Variants in C4orf50 observed in about 807,000 individuals in gnomAD.
C4orf50 encodes the protein chromosome 4 open reading frame 50.
A neutral mutation model predicts 77.2 loss-of-function variants in C4orf50; 80 were observed. The observed-to-expected ratio is 1.04, with a 90% CI of 0.87 to 1.25. C4orf50 has a LOEUF of 1.25. C4orf50 is among the 50% of genes most tolerant of loss of function. The pLI is 0.00. For synonymous variants in C4orf50, 532 were observed against 465.3 expected, an observed-to-expected ratio of 1.14 and a Z score of -1.84; for missense variants, 1,257 against 1,152.9, an observed-to-expected ratio of 1.09 and a Z score of -1.31.
chr4:5,920,035 A>G (rs893290064), intron 7 of C4orf50, among the ~76,000 whole-genome samples: 5 of 152,358 alleles, frequency 3.3e-5, no homozygotes, highest in Middle Eastern at 3.4e-3. Flanking sequence ...TATAGTAATT[A>G]TAAGTATTTT....
rs1356977379 is a variant in C4orf50, at chr4:5,989,451, A to G, written c.2595T>C (p.Ser865=). The change falls in exon 28 of 34, where the codon TCT becomes TCC. Residue 865 remains serine (S), a synonymous_variant. Coordinates refer to ENST00000531445, the Ensembl canonical transcript of C4orf50. Reference sequence around the variant, plus strand: ...TCTCTTTAGACTTCGCTTCTTCATTAGAACAAATACCCCAATTTCCCCAAA... The same window carrying G: ...TCTCTTTAGACTTCGCTTCTTCATTGGAACAAATACCCCAATTTCCCCAAA... The G allele has an allele frequency of 3.3e-6, 5 of 1,535,956 alleles. No individual in the cohort carries two copies. The African/African-American group carries it at 6.8e-5, about 21-fold the overall frequency.
At chr4:5,913,716 G>A (rs372091840) in intron 7 of C4orf50, among the ~76,000 whole-genome samples, 12 of 152,240 alleles carry the variant, frequency 7.9e-5, no homozygotes, top group African/African-American at 1.9e-4. Context: ...GCAGTAAATC[G>A]TCCACAGACG....
At chr4:6,013,714 G>C (rs1379017575) in intron 23 of C4orf50, among the ~76,000 whole-genome samples, 1 of 152,164 alleles carries the variant, frequency 6.6e-6, no homozygotes, top group Non-Finnish European at 1.5e-5. Context: ...ATGCAGCTGG[G>C]TCCAAAGATG....
intron 30 of C4orf50, among the ~76,000 whole-genome samples, chr4:5,975,172 A>ACC (rs1560575633): frequency 7.6e-6 from 1 of 132,106 alleles, no homozygotes; most frequent in Non-Finnish European, 1.6e-5. Flanking sequence ...AAAAAAAAAA[A>ACC]AAAAAACTAC....
intron 7 of C4orf50, among the ~76,000 whole-genome samples, chr4:5,927,791 AG>A (rs980752122): frequency 6.6e-5 from 10 of 152,176 alleles, no homozygotes; most frequent in African/African-American, 2.4e-4. Flanking sequence ...AGTCTCAGGT[AG>A]TACCTTTAAC....
chr4:5,912,130 T>A (rs954021097), intron 7 of C4orf50, among the ~76,000 whole-genome samples: 17 of 152,176 alleles, frequency 1.1e-4, no homozygotes, highest in Non-Finnish European at 2.1e-4. Flanking sequence ...CGGCATTTTT[T>A]AATTTCCGTG....
In C4orf50 at chr4:6,011,825, G is replaced by A. The variant is rs1439192534; in HGVS notation, c.426+5C>T. ...CAGGGCCTGGAAAGGAGAAGGAAACGGTACCTGGCTGGCCAGCTCCCCCTG... is the reference window on the plus strand; with the variant it reads ...CAGGGCCTGGAAAGGAGAAGGAAACAGTACCTGGCTGGCCAGCTCCCCCTG... On this transcript the variant is annotated splice_donor_5th_base_variant and intron_variant, in intron 24 of 33. Coordinates refer to ENST00000531445, the Ensembl canonical transcript of C4orf50. This position sits in a 1 kb window ranked among gnomAD's most constrained non-coding sequence, Gnocchi z 4.2. The A allele has an allele frequency of 7.5e-6, 3 of 398,990 alleles. No homozygotes were observed. Among genetic ancestry groups the A allele is most frequent in the Admixed American group, 4.4e-5 (1 of 22,720 alleles). 24.7% of individuals were successfully genotyped at this position (398,990 alleles called of 1,614,324 possible). A position where few individuals can be genotyped will look rare whatever the true frequency, so the allele number is the denominator to read the frequency against.
At chr4:6,004,235 A>G (rs1385138853) in intron 25 of C4orf50, among the ~76,000 whole-genome samples, 12 of 26,592 alleles carry the variant, frequency 4.5e-4, no homozygotes, top group South Asian at 3.2e-3. Context: ...TGTGATGGTG[A>G]TGATGATGGT....
At chr4:5,944,846 G>A (rs1197581185) in intron 7 of C4orf50, among the ~76,000 whole-genome samples, 3 of 152,150 alleles carry the variant, frequency 2.0e-5, no homozygotes, top group Non-Finnish European at 4.4e-5. Context: ...CCCCGGGAAA[G>A]GGAGATCAGA....
chr4:5,977,147 G>A lies in C4orf50; in HGVS notation c.3865-1192C>T, dbSNP rs901964556. ...TGAGGCCGCCGGGGACCCCCCAGCCGAGACTGGCATCCAGCCGGATGCCAC... is the reference window on the plus strand; with the variant it reads ...TGAGGCCGCCGGGGACCCCCCAGCCAAGACTGGCATCCAGCCGGATGCCAC... On this transcript the variant is annotated intron_variant, in intron 29 of 33. Coordinates refer to ENST00000531445, the Ensembl canonical transcript of C4orf50. Among the ~76,000 whole-genome samples the A allele has an allele frequency of 4.6e-5, 7 of 152,232 alleles. No individual in the cohort carries two copies. The East Asian group carries it at 7.7e-4, about 17-fold the overall frequency.
Position 6,000,800 on chromosome 4 carries a change from G to A in C4orf50, c.964-6324C>T, listed in dbSNP as rs191690497. Among the ~76,000 whole-genome samples the A allele has an allele frequency of 2.0e-4, 30 of 152,244 alleles. No individual in the cohort carries two copies. Among genetic ancestry groups the A allele is most frequent in the African/African-American group, 6.5e-4 (27 of 41,526 alleles). ...TATTTACTGAAGAAACAGGGCGTGC[G>A]ACACAGCTATGGGATCAGCTCACCA... On this transcript the variant is annotated intron_variant, in intron 25 of 33. Coordinates refer to ENST00000531445, the Ensembl canonical transcript of C4orf50. The surrounding 1 kb of genome is among the most constrained non-coding windows in gnomAD (Gnocchi z 6.0).
chr4:5,913,346 A>G (rs1299324663), intron 7 of C4orf50, among the ~76,000 whole-genome samples: 3 of 152,204 alleles, frequency 2.0e-5, no homozygotes, highest in Non-Finnish European at 4.4e-5. Context: ...AGTGTTCTGC[A>G]CAGTGCCTGG....
intron 33 of C4orf50, among the ~76,000 whole-genome samples, chr4:5,964,638 G>T (rs763812338): frequency 1.3e-5 from 2 of 151,790 alleles, no homozygotes; most frequent in African/African-American, 2.4e-5. Flanking sequence ...CATGGTGGTG[G>T]GCGCCTGTAA....
At chr4:6,005,050 G>A (rs1358551104) in intron 25 of C4orf50, among the ~76,000 whole-genome samples, 1 of 152,136 alleles carries the variant, frequency 6.6e-6, no homozygotes, top group Non-Finnish European at 1.5e-5. Flanking sequence ...TTAGGAACCT[G>A]CCTGAAAGCA....
In C4orf50 at chr4:5,908,107, A is replaced by G. The variant is rs1577873226; in HGVS notation, c.*2475-9919T>C. 6.6e-6 allele frequency among the ~76,000 whole-genome samples: 1 copy of G among 152,142 alleles called. No homozygotes were observed. Among genetic ancestry groups the G allele is most frequent in the East Asian group, 1.9e-4 (1 of 5,192 alleles). ...CTCATTTATTTGCTCATTTTTAAGT[A>G]CCTACTATATGCCAGGCACTGTGTT... On this transcript the variant is annotated intron_variant, in intron 7 of 7. Transcript: ENST00000324058. The surrounding 1 kb of genome is among the most constrained non-coding windows in gnomAD (Gnocchi z 5.6).
At chr4:5,949,922 G>C (rs1481999177) in intron 7 of C4orf50, among the ~76,000 whole-genome samples, 4 of 144,248 alleles carry the variant, frequency 2.8e-5, no homozygotes, top group African/African-American at 5.1e-5. Context: ...CTGGGAGGCA[G>C]AAGTTGCAGT....
intron 33 of C4orf50, among the ~76,000 whole-genome samples, chr4:5,962,597 A>G (rs1193867126): frequency 1.3e-5 from 2 of 152,182 alleles, no homozygotes; most frequent in Non-Finnish European, 2.9e-5. Context: ...CATCCAGGCC[A>G]CGCACCATCT....
At position 6,013,366 on chromosome 4, in the gene C4orf50, A is replaced by G. The variant is rs191471623; in HGVS notation, c.288-1398T>C. 1.1e-3 allele frequency among the ~76,000 whole-genome samples: 170 copies of G among 152,300 alleles called. 1 individual carries two copies. Among genetic ancestry groups the G allele is most frequent in the African/African-American group, 3.9e-3 (163 of 41,568 alleles). On this transcript the variant is annotated intron_variant, in intron 23 of 33. Transcript: ENST00000531445. The stretch of plus-strand genomic sequence containing the variant: ...AATATGGGGAGATTTGCTAGGAAAA[A>G]CAAAAGCCTTTCTTTCTAGTTTTGA...
rs145132104 is a variant in C4orf50 at position 6,018,497 on chromosome 4, C to T, written c.-66G>A. On this transcript the variant is annotated 5_prime_UTR_variant, in exon 23 of 34. Coordinates refer to ENST00000531445, the Ensembl canonical transcript of C4orf50. The surrounding 1 kb of genome is among the most constrained non-coding windows in gnomAD (Gnocchi z 5.1). ...AAGTGAGTTTGCAACATTGACTTCC[C>T]GGAGATTTCAAGGTGGTGTTTGTGA... 2.1e-4 allele frequency: 83 copies of T among 398,408 alleles called. No homozygotes were observed. The highest frequency in any genetic ancestry group is 3.9e-4 in the African/African-American group (19 of 48,692). 24.7% of individuals were successfully genotyped at this position (398,408 alleles called of 1,614,324 possible).
Sources: gnomAD v4.1 joint callset for allele counts (sites outside exome capture counted in the v4.1 genomes callset) on GRCh38, gnomAD v4.1.1 for gene constraint, Gnocchi (gnomAD v3.1) non-coding constraint, MANE v1.5 for transcripts, NCBI Gene and HGNC (gene_info 2026-07-23, HGNC 2026-07-21) for gene names.